SDK1: variants seen among roughly 807,000 people sequenced by gnomAD.
The protein encoded by SDK1 is protein sidekick-1.
A neutral mutation model predicts 245.5 loss-of-function variants in SDK1; 157 were observed. The observed-to-expected ratio is 0.64, with a 90% CI of 0.56 to 0.73. SDK1 has a LOEUF of 0.73. Ranked by LOEUF, SDK1 falls within the 30% of genes least tolerant of loss-of-function variation. The pLI is 0.00. For synonymous variants in SDK1, 1,647 were observed against 1,278.5 expected (o/e 1.29, Z -6.15); for missense variants, 3,583 against 3,002.3 (o/e 1.19, Z -4.52).
intron 1 of SDK1, among the ~76,000 whole-genome samples, chr7:3,308,992 G>A (rs1779486180): frequency 6.6e-6 from 1 of 152,124 alleles, no homozygotes. Flanking sequence ...TTGGTAGCAG[G>A]AATTTTAGCA....
intron 4 of SDK1, among the ~76,000 whole-genome samples, chr7:3,773,734 C>G (rs551388505): frequency 5.1e-4 from 77 of 152,284 alleles, no homozygotes; most frequent in African/African-American, 1.7e-3. Context: ...TAGGCTGTTT[C>G]TGTGCCATGG....
chr7:3,467,029 C>CACACACACAG (rs1288513856), intron 1 of SDK1, among the ~76,000 whole-genome samples: 2 of 137,552 alleles, frequency 1.5e-5, no homozygotes, highest in African/African-American at 2.7e-5. Flanking sequence ...CACACACACA[C>CACACACACAG]AGAGATGTAA....
intron 4 of SDK1, among the ~76,000 whole-genome samples, chr7:3,753,946 A>C (rs1034921365): frequency 6.6e-6 from 1 of 152,256 alleles, no homozygotes; most frequent in Non-Finnish European, 1.5e-5. Context: ...AATGAAAAAT[A>C]ATTAATGATT....
chr7:3,358,132 C>T (rs1780856069), intron 1 of SDK1, among the ~76,000 whole-genome samples: 1 of 152,140 alleles, frequency 6.6e-6, no homozygotes, highest in East Asian at 1.9e-4. Context: ...AGCGATTCTC[C>T]TGCGTCAGCT....
chr7:3,638,485 G>A (rs1428912684), intron 2 of SDK1, among the ~76,000 whole-genome samples: 1 of 151,712 alleles, frequency 6.6e-6, no homozygotes, highest in African/African-American at 2.4e-5. Flanking sequence ...TCCTTTGTAG[G>A]GACATGGATG....
At chr7:3,700,837 CT>C (rs998975721) in intron 4 of SDK1, among the ~76,000 whole-genome samples, 2 of 152,112 alleles carry the variant, frequency 1.3e-5, no homozygotes, top group African/African-American at 4.8e-5. Flanking sequence ...TACCTCCCAC[CT>C]TTTTTCCCCT....
intron 1 of SDK1, among the ~76,000 whole-genome samples, chr7:3,599,181 G>C (rs1214094692): frequency 1.4e-5 from 2 of 146,530 alleles, no homozygotes; most frequent in African/African-American, 5.0e-5. Flanking sequence ...GATGTGCAGT[G>C]ATATCTCATG....
At chr7:4,135,492 C>T (rs986066183) in intron 28 of SDK1, among the ~76,000 whole-genome samples, 7 of 152,232 alleles carry the variant, frequency 4.6e-5, no homozygotes, top group African/African-American at 1.2e-4. Flanking sequence ...AAGCAGCTGT[C>T]GTCTGCACAA....
At chr7:3,419,433 C>T (rs1161011295) in intron 1 of SDK1, among the ~76,000 whole-genome samples, 1 of 152,118 alleles carries the variant, frequency 6.6e-6, no homozygotes, top group African/African-American at 2.4e-5. Context: ...ACCTGCTCCC[C>T]CTTCACCTGC....
At chr7:3,707,159 G>T (rs1330196784) in intron 4 of SDK1, among the ~76,000 whole-genome samples, 3 of 152,058 alleles carry the variant, frequency 2.0e-5, no homozygotes, top group African/African-American at 2.4e-5. Flanking sequence ...GTCAATTTAT[G>T]ATCTTTCAGA....
chr7:3,568,966 A>C (rs1780014573), intron 1 of SDK1, among the ~76,000 whole-genome samples: 1 of 151,560 alleles, frequency 6.6e-6, no homozygotes, highest in South Asian at 2.1e-4. Flanking sequence ...TTTTTAGTTT[A>C]AGTTCTCTAA....
chr7:3,810,219 T>G (rs530865126), intron 4 of SDK1, among the ~76,000 whole-genome samples: 2 of 152,356 alleles, frequency 1.3e-5, no homozygotes, highest in South Asian at 4.1e-4. Context: ...GACGCCTTTC[T>G]GTCCTCACTT....
chr7:3,501,881 A>T (rs1404481383), intron 1 of SDK1, among the ~76,000 whole-genome samples: 1 of 152,190 alleles, frequency 6.6e-6, no homozygotes, highest in African/African-American at 2.4e-5. Flanking sequence ...TTGTTGATTT[A>T]CAGACATTTG....
intron 22 of SDK1, among the ~76,000 whole-genome samples, chr7:4,090,623 A>G (rs990101230): frequency 6.6e-6 from 1 of 152,106 alleles, no homozygotes; most frequent in African/African-American, 2.4e-5. Context: ...ATCTTCTGGC[A>G]CAAGATGTTC....
chr7:4,142,768 G>T (rs958050775), intron 28 of SDK1, among the ~76,000 whole-genome samples: 1 of 152,220 alleles, frequency 6.6e-6, no homozygotes, highest in Admixed American at 6.5e-5. Context: ...TGGCTGCTTT[G>T]CACTCTTTAC....
chr7:4,100,360 C>T (rs890936761), intron 22 of SDK1, among the ~76,000 whole-genome samples: 11 of 152,006 alleles, frequency 7.2e-5, no homozygotes, highest in Non-Finnish European at 1.2e-4. Context: ...TGGGGTTGAG[C>T]GGGAAGGCTG....
At chr7:3,544,818 T>C (rs1444640597) in intron 1 of SDK1, among the ~76,000 whole-genome samples, 2 of 152,132 alleles carry the variant, frequency 1.3e-5, no homozygotes, top group East Asian at 3.9e-4. Flanking sequence ...GCACAGTTAG[T>C]GTGGGTTGAG....
intron 1 of SDK1, among the ~76,000 whole-genome samples, chr7:3,345,447 C>A (rs1780466519): frequency 6.6e-6 from 1 of 152,170 alleles, no homozygotes; most frequent in Non-Finnish European, 1.5e-5. Flanking sequence ...TAAAATCCTA[C>A]TCAGTGATAT....
intron 1 of SDK1, among the ~76,000 whole-genome samples, chr7:3,526,578 G>GT (rs890296954): frequency 1.3e-5 from 2 of 152,052 alleles, no homozygotes; most frequent in East Asian, 1.9e-4. Flanking sequence ...TTTTAGTTAT[G>GT]TTTTTTCTCC....
Sources: gnomAD v4.1 joint callset for allele counts (sites outside exome capture counted in the v4.1 genomes callset) on GRCh38, gnomAD v4.1.1 for gene constraint, MANE v1.5 for transcripts, NCBI Gene and HGNC (gene_info 2026-07-23, HGNC 2026-07-21) for gene names.